DRC1: variants seen among roughly 807,000 people sequenced by gnomAD.
DRC1 encodes the protein dynein regulatory complex subunit 1.
Under a neutral mutation model 98.7 loss-of-function variants are expected in DRC1, and 74 were observed. The ratio of observed to expected loss-of-function variants is 0.75; its 90% CI spans 0.62 to 0.91. The LOEUF is 0.91. DRC1 is among the 40% of genes least tolerant of loss of function. DRC1 has a pLI of 0.00. For synonymous variants in DRC1, 336 were observed against 334.1 expected (o/e 1.01, Z -0.06); for missense variants, 875 against 886.0 (o/e 0.99, Z 0.16).
intron 1 of DRC1, among the ~76,000 whole-genome samples, chr2:26,411,135 G>A (rs1678595076): frequency 6.6e-6 from 1 of 152,192 alleles, no homozygotes; most frequent in South Asian, 2.1e-4. Flanking sequence ...CAGCCCCCAG[G>A]AGGGAGGGAG....
chr2:26,412,894 T>C (rs1310337308), intron 1 of DRC1, among the ~76,000 whole-genome samples: 2 of 152,172 alleles, frequency 1.3e-5, no homozygotes, highest in East Asian at 1.9e-4. Flanking sequence ...GCCATTCTCC[T>C]GCCTCAGCCT....
chr2:26,423,394 C>G (rs1483394994), intron 3 of DRC1, among the ~76,000 whole-genome samples: 1 of 152,108 alleles, frequency 6.6e-6, no homozygotes, highest in Admixed American at 6.5e-5. Context: ...ACTTCGGTTC[C>G]TCAGGGGGTT....
At chr2:26,428,782 A>G (rs1408855712) in intron 4 of DRC1, among the ~76,000 whole-genome samples, 1 of 151,824 alleles carries the variant, frequency 6.6e-6, no homozygotes, top group Non-Finnish European at 1.5e-5. Context: ...TGGGCAACAG[A>G]GCAAGACTCT....
In DRC1 at chr2:26,448,686, T is replaced by C. The variant is rs534531251; in HGVS notation, c.1397-5T>C. 4.3e-6 allele frequency: 7 copies of C among 1,614,040 alleles called. No homozygotes were observed. In the African/African-American group the frequency reaches 9.3e-5, roughly 22 times the overall value. Reference sequence around the variant, plus strand: ...TTCTCTCTCCTCCCCATGACCCAACTGCAGAAGAGGAGGAGGCAGAAGAGG... The same window carrying C: ...TTCTCTCTCCTCCCCATGACCCAACCGCAGAAGAGGAGGAGGCAGAAGAGG... On this transcript the variant is annotated splice_region_variant and splice_polypyrimidine_tract_variant and intron_variant, in intron 10 of 16. Transcript: ENST00000288710.
chr2:26,450,229 A>G (rs2148004626), intron 12 of DRC1, 144 bp downstream of exon 12: 1 of 723,036 alleles, frequency 1.4e-6, no homozygotes, highest in Non-Finnish European at 2.3e-6. Flanking sequence ...CCCTTAACCT[A>G]CTCTCCACAC....
At chr2:26,423,356 G>A (rs1411518696) in intron 3 of DRC1, among the ~76,000 whole-genome samples, 1 of 152,176 alleles carries the variant, frequency 6.6e-6, no homozygotes, top group East Asian at 1.9e-4. Context: ...GGGACAGGAA[G>A]AGGGGATTGC....
intron 10 of DRC1, among the ~76,000 whole-genome samples, chr2:26,447,295 T>A (rs1315663249): frequency 8.0e-6 from 1 of 124,898 alleles, no homozygotes; most frequent in Non-Finnish European, 1.7e-5. Flanking sequence ...CGGCTGTAAT[T>A]CCAGCTACTC....
chr2:26,429,914 C>G, intron 5 of DRC1, 149 bp downstream of exon 5: 1 of 890,042 alleles, frequency 1.1e-6, no homozygotes, highest in South Asian at 1.9e-5. Flanking sequence ...AATTTATTTA[C>G]TCATTCATTC....
rs1352327903 is a variant in DRC1, at chr2:26,450,595, C to G, written c.1603C>G (p.Leu535Val). ...LLRLDAIFSA[L>V]GIESEDDLYK... ...ACCATCCTGTTTTTCGCCCCAGGCCCTTGGAATTGAAAGTGAGGATGACTT... is the reference window on the plus strand; with the variant it reads ...ACCATCCTGTTTTTCGCCCCAGGCCGTTGGAATTGAAAGTGAGGATGACTT... Residue 535 changes from leucine (L) to valine (V), a missense_variant, in exon 13 of 17, where the codon CTT (leucine) becomes GTT (valine). Transcript: ENST00000288710. 1 of 1,610,846 alleles carries G rather than the reference C, an allele frequency of 6.2e-7. No homozygotes were observed. The highest frequency in any genetic ancestry group is 8.5e-7 in the Non-Finnish European group (1 of 1,178,544).
At chr2:26,439,926 T>TAG (rs1410277278) in intron 7 of DRC1, among the ~76,000 whole-genome samples, 1 of 107,010 alleles carries the variant, frequency 9.3e-6, no homozygotes, top group Non-Finnish European at 1.9e-5. Flanking sequence ...TGTGTGAATA[T>TAG]ATATATATAT....
At chr2:26,445,077 T>C in intron 10 of DRC1, 129 bp downstream of exon 10, 2 of 995,350 alleles carry the variant, frequency 2.0e-6, no homozygotes, top group Admixed American at 5.7e-5. Context: ...CGCTTTTAAG[T>C]CTCCTCTAAT....
chr2:26,443,273 C>T (rs1055137155), intron 8 of DRC1, among the ~76,000 whole-genome samples: 1 of 152,158 alleles, frequency 6.6e-6, no homozygotes, highest in Admixed American at 6.5e-5. Flanking sequence ...ATAAGAGCCA[C>T]CTCTGTAGTA....
At chr2:26,451,373 C>T (rs1048092525) in intron 13 of DRC1, among the ~76,000 whole-genome samples, 3 of 152,142 alleles carry the variant, frequency 2.0e-5, no homozygotes, top group African/African-American at 7.2e-5. Context: ...TAATTGATTT[C>T]AGAAGGTGAA....
At chr2:26,439,447 C>A (rs951574432) in intron 7 of DRC1, among the ~76,000 whole-genome samples, 1 of 152,160 alleles carries the variant, frequency 6.6e-6, no homozygotes, top group African/African-American at 2.4e-5. Context: ...CCCAACAGCA[C>A]CTTGAAAAGT....
At chr2:26,410,554 G>C (rs192902304) in intron 1 of DRC1, among the ~76,000 whole-genome samples, 2 of 152,112 alleles carry the variant, frequency 1.3e-5, no homozygotes, top group Non-Finnish European at 2.9e-5. Flanking sequence ...TTACAGGCAT[G>C]AGCCACTGCA....
Position 26,452,480 on chromosome 2 carries a change from G to A in DRC1, c.1690-840G>A, listed in dbSNP as rs375947538. 1.2e-4 allele frequency among the ~76,000 whole-genome samples: 18 copies of A among 152,268 alleles called. No homozygotes were observed. The East Asian group carries it at 3.1e-3, about 26-fold the overall frequency. On this transcript the variant is annotated intron_variant, in intron 13 of 16. Coordinates refer to ENST00000288710, the MANE Select transcript of DRC1 (RefSeq NM_145038.5). ...TCACCATGTTGGCCAGGCTGCTCTCGAACTCCTGACCTCAAATGATCTGCC... is the reference window on the plus strand; with the variant it reads ...TCACCATGTTGGCCAGGCTGCTCTCAAACTCCTGACCTCAAATGATCTGCC...
chr2:26,437,682 A>G (rs1663607135), intron 7 of DRC1, among the ~76,000 whole-genome samples: 1 of 152,202 alleles, frequency 6.6e-6, no homozygotes, highest in South Asian at 2.1e-4. Flanking sequence ...TATTTTATAG[A>G]AGAGAAAATT....
At chr2:26,419,588 T>C (rs1475105508) in intron 2 of DRC1, among the ~76,000 whole-genome samples, 16 of 152,242 alleles carry the variant, frequency 1.1e-4, no homozygotes, top group Admixed American at 9.2e-4. Flanking sequence ...CTGTATTCAA[T>C]GAAACTACAT....
chr2:26,444,232 A>G lies in DRC1; in HGVS notation c.1039A>G (p.Ile347Val). Residue 347 changes from isoleucine to valine, a missense_variant, in exon 9 of 17, where the codon ATA (isoleucine) becomes GTA (valine). By Grantham distance (29) the Ile-to-Val change is conservative. Transcript: ENST00000288710. ...QKRKINRLHDILNNLRSKYAK... is the reference protein window; with the variant it reads ...QKRKINRLHDVLNNLRSKYAK... ...TTCTCCTTCAACCAGCCTGCATGAT[A>G]TACTTAACAATCTGAGATCAAAATA... 1 of 1,614,178 alleles carries G rather than the reference A, an allele frequency of 6.2e-7. No homozygotes were observed. Among genetic ancestry groups the G allele is most frequent in the Non-Finnish European group, 8.5e-7 (1 of 1,180,046 alleles).
Sources: gnomAD v4.1 joint callset for allele counts (sites outside exome capture counted in the v4.1 genomes callset) on GRCh38, gnomAD v4.1.1 for gene constraint, MANE v1.5 for transcripts, NCBI Gene and HGNC (gene_info 2026-07-23, HGNC 2026-07-21) for gene names.